KCTD16: variants seen among roughly 807,000 people sequenced by gnomAD.
KCTD16 encodes the protein potassium channel tetramerization domain containing 16, also known as BTB/POZ domain-containing protein KCTD16.
In KCTD16, 13 loss-of-function variants were observed where a neutral mutation model predicts 33.2. The observed-to-expected ratio is 0.39, with a 90% CI of 0.25 to 0.62. The LOEUF (loss-of-function observed/expected upper bound fraction) is 0.62, where lower values mean the gene tolerates loss of function less well. Among genes scored for constraint, KCTD16 ranks in the 20% least tolerant of loss-of-function variants. KCTD16 has a pLI of 0.50. For missense variants in KCTD16, 441 were observed against 525.1 expected (o/e 0.84, Z 1.57); for synonymous variants, 197 against 195.3 (o/e 1.01, Z -0.07).
chr5:144,219,827 C>T (rs1317570856), intron 3 of KCTD16, among the ~76,000 whole-genome samples: 1 of 151,976 alleles, frequency 6.6e-6, no homozygotes, highest in African/African-American at 2.4e-5. Flanking sequence ...CCTGGCCTCT[C>T]CCAGCTCTTT....
chr5:144,184,383 T>A (rs1752685325), intron 2 of KCTD16, among the ~76,000 whole-genome samples: 1 of 152,210 alleles, frequency 6.6e-6, no homozygotes, highest in African/African-American at 2.4e-5. Context: ...TGTTAAAGTC[T>A]ATGGCACATT....
At position 144,435,843 on chromosome 5, in the gene KCTD16, A is replaced by ATGTGTGTGTG. The variant is rs56722254; in HGVS notation, c.833-37811_833-37802dup. ...CTTTCCTGTGTGTGTGTGTGTGTGT[A>ATGTGTGTGTG]TGTGTGTGTGTGTGTAGTTTTATTC... is the stretch of plus-strand genomic sequence containing the variant. On this transcript the variant is annotated intron_variant, in intron 3 of 3. Transcript: ENST00000512467. 9.3e-3 allele frequency among the ~76,000 whole-genome samples: 1,348 copies of ATGTGTGTGTG among 144,222 alleles called. 22 individuals are homozygous for ATGTGTGTGTG. The highest frequency in any genetic ancestry group is 0.03 in the African/African-American group (1,206 of 40,010). The allele number at this position is 144,222 out of a possible 152,430, so 94.6% of individuals were successfully genotyped here. A position where few individuals can be genotyped will look rare whatever the true frequency, so the allele number is the denominator to read the frequency against.
chr5:144,316,282 A>T (rs1421754546), intron 3 of KCTD16, among the ~76,000 whole-genome samples: 1 of 152,098 alleles, frequency 6.6e-6, no homozygotes, highest in Non-Finnish European at 1.5e-5. Context: ...TACAGAGGGA[A>T]ACCGAGCTTG....
intron 3 of KCTD16, among the ~76,000 whole-genome samples, chr5:144,221,400 A>G (rs993308426): frequency 6.6e-6 from 1 of 152,008 alleles, no homozygotes; most frequent in African/African-American, 2.4e-5. Flanking sequence ...TATTTCTCCT[A>G]ATGTTATGAC....
Position 144,484,803 on chromosome 5 carries a change from T to A in KCTD16, c.*10689T>A, listed in dbSNP as rs1036228251. On this transcript the variant is annotated 3_prime_UTR_variant, in exon 4 of 4. Transcript: ENST00000512467. ...TTGATGAATAACAAGTGACACCCAATGAAATTACCTCTTCTCCTTTCCAAT... is the reference window on the plus strand; with the variant it reads ...TTGATGAATAACAAGTGACACCCAAAGAAATTACCTCTTCTCCTTTCCAAT... 6.6e-6 allele frequency: 1 copy of A among 152,028 alleles called. No homozygotes were observed. The highest frequency in any genetic ancestry group is 2.4e-5 in the African/African-American group (1 of 41,444). The allele number at this position is 152,028 out of a possible 1,614,324, so 9.4% of individuals were successfully genotyped here.
intron 3 of KCTD16, among the ~76,000 whole-genome samples, chr5:144,416,739 G>T (rs939338658): frequency 6.6e-6 from 1 of 151,998 alleles, no homozygotes; most frequent in African/African-American, 2.4e-5. Context: ...TCCATCACTC[G>T]AAAGTAAAAC....
intron 3 of KCTD16, among the ~76,000 whole-genome samples, chr5:144,377,560 C>A (rs1331874241): frequency 6.6e-6 from 1 of 152,190 alleles, no homozygotes; most frequent in East Asian, 1.9e-4. Context: ...CTTTGTTTAA[C>A]CCTCTCTTCT....
intron 3 of KCTD16, among the ~76,000 whole-genome samples, chr5:144,417,173 C>T (rs926632592): frequency 2.0e-5 from 3 of 152,162 alleles, no homozygotes; most frequent in Non-Finnish European, 4.4e-5. Flanking sequence ...GAGGAACCAC[C>T]AAATTGTTTT....
chr5:144,367,367 T>C (rs1751860311), intron 3 of KCTD16, among the ~76,000 whole-genome samples: 2 of 152,168 alleles, frequency 1.3e-5, no homozygotes, highest in Non-Finnish European at 1.5e-5. Flanking sequence ...TTCTCATTCT[T>C]GGTTCCAGTT....
In KCTD16 at chr5:144,485,200, A is replaced by G. The variant is rs963569488; in HGVS notation, c.*11086A>G. 1.3e-5 allele frequency: 2 copies of G among 151,894 alleles called. No homozygotes were observed. Among genetic ancestry groups the G allele is most frequent in the African/African-American group, 4.8e-5 (2 of 41,410 alleles). The allele number at this position is 151,894 out of a possible 1,614,324, so 9.4% of individuals were successfully genotyped here. A position where few individuals can be genotyped will look rare whatever the true frequency, so the allele number is the denominator to read the frequency against. On this transcript the variant is annotated 3_prime_UTR_variant, in exon 4 of 4. Coordinates refer to ENST00000512467, the MANE Select transcript of KCTD16 (RefSeq NM_020768.4). ...CGAGAAAAACATGATAGAAAATGCT[A>G]CTACTAATTGTCCCAATGGAATTGC...
intron 3 of KCTD16, among the ~76,000 whole-genome samples, chr5:144,381,156 AC>A (rs1752206380): frequency 6.6e-6 from 1 of 152,198 alleles, no homozygotes. Flanking sequence ...ACACGAACAG[AC>A]ACTTTTCAAA....
At chr5:144,176,193 A>C (rs558524667) in intron 2 of KCTD16, among the ~76,000 whole-genome samples, 1 of 152,044 alleles carries the variant, frequency 6.6e-6, no homozygotes, top group Non-Finnish European at 1.5e-5. Flanking sequence ...ATCTTATTTC[A>C]AATACTATGA....
chr5:144,317,728 G>T (rs1329873394), intron 3 of KCTD16, among the ~76,000 whole-genome samples: 1 of 152,080 alleles, frequency 6.6e-6, no homozygotes, highest in Non-Finnish European at 1.5e-5. Context: ...ATTCCCTCCT[G>T]GATGGCTTAT....
chr5:144,458,351 C>G (rs1201708861), intron 3 of KCTD16, among the ~76,000 whole-genome samples: 4 of 152,142 alleles, frequency 2.6e-5, no homozygotes, highest in African/African-American at 4.8e-5. Context: ...TTCTACCAGG[C>G]AAAACCACCT....
rs529139190 is a variant in KCTD16 at position 144,389,744 on chromosome 5, C to T, written c.833-83916C>T. ...GTTGAGGGACAGCTGATGTAAGGAACGGCAAGAAGAATCATAAGAAGTATG... is the reference window on the plus strand; with the variant it reads ...GTTGAGGGACAGCTGATGTAAGGAATGGCAAGAAGAATCATAAGAAGTATG... On this transcript the variant is annotated intron_variant, in intron 3 of 3. Coordinates refer to ENST00000512467, the MANE Select transcript of KCTD16 (RefSeq NM_020768.4). Among the ~76,000 whole-genome samples, 13 of 152,178 alleles carry T rather than the reference C, an allele frequency of 8.5e-5. No individual in the cohort carries two copies. In the South Asian group the frequency reaches 2.5e-3, roughly 29 times the overall value.
chr5:144,225,668 AG>A (rs1205182969), intron 3 of KCTD16, among the ~76,000 whole-genome samples: 2 of 151,934 alleles, frequency 1.3e-5, no homozygotes, highest in Non-Finnish European at 2.9e-5. Context: ...TGAGTGAAGT[AG>A]TCTTAAACAA....
At chr5:144,182,048 G>A (rs1752636191) in intron 2 of KCTD16, among the ~76,000 whole-genome samples, 1 of 149,560 alleles carries the variant, frequency 6.7e-6, no homozygotes, top group African/African-American at 2.5e-5. Context: ...TCGCGCCACT[G>A]CACTCTGGCC....
At chr5:144,224,565 T>G (rs555707862) in intron 3 of KCTD16, among the ~76,000 whole-genome samples, 1 of 152,246 alleles carries the variant, frequency 6.6e-6, no homozygotes, top group East Asian at 1.9e-4. Context: ...CGGAACACTT[T>G]CTTTTTATCA....
At chr5:144,238,230 A>T (rs561278541) in intron 3 of KCTD16, among the ~76,000 whole-genome samples, 30 of 152,144 alleles carry the variant, frequency 2.0e-4, no homozygotes, top group Non-Finnish European at 3.4e-4. Context: ...TGGGTGTAGG[A>T]GAACAGGAGA....
Sources: gnomAD v4.1 joint callset for allele counts (sites outside exome capture counted in the v4.1 genomes callset) on GRCh38, gnomAD v4.1.1 for gene constraint, MANE v1.5 for transcripts, NCBI Gene and HGNC (gene_info 2026-07-23, HGNC 2026-07-21) for gene names.